VAMP2: variants seen among roughly 807,000 people sequenced by gnomAD.
VAMP2 encodes vesicle associated membrane protein 2.
For missense variants in VAMP2, 95 were observed against 151.3 expected (o/e 0.63, Z 1.95); for synonymous variants, 67 against 57.3 (o/e 1.17, Z -0.76).
rs761425233 is a variant in VAMP2 at position 8,159,183 on chromosome 17, C to A, written c.*1672G>T. ...ATTACACATTTATTGTACATTTTCA[C>A]AATCTGGATGCGCCACAGAATTGGG... On this transcript the variant is annotated 3_prime_UTR_variant, in exon 5 of 5. Coordinates refer to ENST00000316509, the MANE Select transcript of VAMP2 (RefSeq NM_014232.3). 4 of 143,042 alleles carry A rather than the reference C, an allele frequency of 2.8e-5. No homozygotes were observed. The highest frequency in any genetic ancestry group is 1.0e-4 in the African/African-American group (4 of 38,556). 8.9% of individuals were successfully genotyped at this position (143,042 alleles called of 1,614,324 possible).
At position 8,160,551 on chromosome 17, in the gene VAMP2, T is replaced by C. The variant is rs933999989; in HGVS notation, c.*304A>G. ...CATAGCAGATGCAAATGAAGGGACT[T>C]GGGGCTAGTCAGGAAGAAAGGGAAA... On this transcript the variant is annotated 3_prime_UTR_variant, in exon 5 of 5. Transcript: ENST00000316509. 4.2e-5 allele frequency: 8 copies of C among 191,900 alleles called. No homozygotes were observed. Among genetic ancestry groups the C allele is most frequent in the Non-Finnish European group, 6.3e-5 (6 of 95,694 alleles). 11.9% of individuals were successfully genotyped at this position (191,900 alleles called of 1,614,324 possible).
In VAMP2 at chr17:8,161,743, G is replaced by A. The variant is rs376454310; in HGVS notation, c.147C>T (p.Asn49=). 64 of 1,614,000 alleles carry A rather than the reference G, an allele frequency of 4.0e-5. No individual in the cohort carries two copies. The African/African-American group carries it at 7.5e-4, about 19-fold the overall frequency. The part of the protein sequence containing the change: ...VDEVVDIMRV[N]VDKVLERDQK... The stretch of plus-strand genomic sequence containing the variant: ...GGTCTCGCTCCAGGACCTTGTCCAC[G>A]TTCACCCTCATGATGTCCACCACCT... Residue 49 remains asparagine, a synonymous_variant, in exon 3 of 5, where the codon AAC becomes AAT. Coordinates refer to ENST00000316509, the MANE Select transcript of VAMP2 (RefSeq NM_014232.3).
chr17:8,160,380 G>GTTGTTTTTTTTT lies in VAMP2; in HGVS notation c.*474_*475insAAAAAAAAACAA, dbSNP rs1983260313. The GTTGTTTTTTTTT allele has an allele frequency of 6.0e-4, 21 of 35,108 alleles. No individual in the cohort carries two copies. Among genetic ancestry groups the GTTGTTTTTTTTT allele is most frequent in the Non-Finnish European group, 9.5e-4 (19 of 20,096 alleles). The allele number at this position is 35,108 out of a possible 1,614,324, so 2.2% of individuals were successfully genotyped here. ...TAAGGAAGCCTGGACAGGTGCTGTTGTTTTTTTTTTTTTTTTTTTTTTTTT... is the reference window on the plus strand; with the variant it reads ...TAAGGAAGCCTGGACAGGTGCTGTTGTTGTTTTTTTTTTTTTTTTTTTTTTTTTTTTTTTTTT... On this transcript the variant is annotated 3_prime_UTR_variant, in exon 5 of 5. Transcript: ENST00000316509.
At position 8,162,933 on chromosome 17, in the gene VAMP2, C is replaced by T. The variant is rs1476170159; in HGVS notation, c.-54G>A. On this transcript the variant is annotated 5_prime_UTR_variant, in exon 1 of 5. Transcript: ENST00000316509. ...AGCGGCAGTGATGGCGGCGGCGGCTCGCGCTGGCTCCGACTGGCGCTGGCT... is the reference window on the plus strand; with the variant it reads ...AGCGGCAGTGATGGCGGCGGCGGCTTGCGCTGGCTCCGACTGGCGCTGGCT... 1.0e-5 allele frequency: 12 copies of T among 1,203,480 alleles called. No individual in the cohort carries two copies. The highest frequency in any genetic ancestry group is 1.6e-5 in the African/African-American group (1 of 63,228). The allele number at this position is 1,203,480 out of a possible 1,614,324, so 74.6% of individuals were successfully genotyped here. A position where few individuals can be genotyped will look rare whatever the true frequency, so the allele number is the denominator to read the frequency against.
At chr17:8,162,395 C>T in intron 1 of VAMP2, 26 bp from the exon 2 acceptor site, 1 of 1,610,848 alleles carries the variant, frequency 6.2e-7, no homozygotes, top group Non-Finnish European at 8.5e-7. Flanking sequence ...GGATTAAGAC[C>T]CAGGGCCTGC....
At position 8,159,280 on chromosome 17, in the gene VAMP2, A is replaced by G. The variant is rs1983217821; in HGVS notation, c.*1575T>C. The G allele has an allele frequency of 6.6e-6, 1 of 151,854 alleles. No homozygotes were observed. Among genetic ancestry groups the G allele is most frequent in the African/African-American group, 2.4e-5 (1 of 41,268 alleles). The allele number at this position is 151,854 out of a possible 1,614,324, so 9.4% of individuals were successfully genotyped here. On this transcript the variant is annotated 3_prime_UTR_variant, in exon 5 of 5. Transcript: ENST00000316509. Reference sequence around the variant, plus strand: ...GGGGGGTCTAAAACACAGCACCCCCACCTCCAGCATCTCTCCTACCCTTTC... The same window carrying G: ...GGGGGGTCTAAAACACAGCACCCCCGCCTCCAGCATCTCTCCTACCCTTTC...
chr17:8,161,338 G>C (rs1983305399), intron 4 of VAMP2, 135 bp downstream of exon 4: 7 of 1,291,408 alleles, frequency 5.4e-6, no homozygotes, highest in Non-Finnish European at 7.4e-6. Context: ...GGCTCTAGAT[G>C]AATCAGAATT....
rs148829630 is a variant in VAMP2 at position 8,161,644 on chromosome 17, G to C, written c.246C>G (p.Ala82=). The part of the protein sequence containing the change: ...AGASQFETSA[A]KLKRKYWWKN... ...TCCACCAGTATTTGCGCTTGAGCTT[G>C]GCTGCGCTTGTTTCAAACTGGGAGG... Residue 82 remains alanine (A), a synonymous_variant, in exon 3 of 5, where the codon GCC becomes GCG. Coordinates refer to ENST00000316509, the MANE Select transcript of VAMP2 (RefSeq NM_014232.3). The C allele has an allele frequency of 2.4e-5, 38 of 1,614,072 alleles. No homozygotes were observed. Among genetic ancestry groups the C allele is most frequent in the Non-Finnish European group, 3.1e-5 (37 of 1,180,028 alleles).
chr17:8,162,678 C>T, intron 1 of VAMP2, 200 bp downstream of exon 1: 1 of 1,343,622 alleles, frequency 7.4e-7, no homozygotes, highest in Middle Eastern at 2.8e-4. Context: ...ACACTGGGTC[C>T]GCTCCTTCCC....
chr17:8,162,707 G>C, intron 1 of VAMP2, 171 bp downstream of exon 1: 1 of 1,310,822 alleles, frequency 7.6e-7, no homozygotes, highest in Non-Finnish European at 9.7e-7. Flanking sequence ...CGCCCGAGCC[G>C]GCCAGCCCGG....
At chr17:8,161,552 G>C in intron 3 of VAMP2, 28 bp from the exon 4 acceptor site, 3 of 1,614,138 alleles carry the variant, frequency 1.9e-6, no homozygotes, top group South Asian at 2.2e-5. Context: ...GGATCAGTAA[G>C]ACAAACTATG....
Position 8,162,184 on chromosome 17 carries a change from G to A in VAMP2, c.123+65C>T, listed in dbSNP as rs1983334056. On this transcript the variant is annotated intron_variant, in intron 2 of 4. Transcript: ENST00000316509. ...TGTCATCACTCCCAAACCAACATGG[G>A]CCCCTACACCTATACGCCAACCCCC... The A allele has an allele frequency of 4.7e-6, 7 of 1,487,826 alleles. No homozygotes were observed. The South Asian group carries it at 8.5e-5, about 18-fold the overall frequency. The allele number at this position is 1,487,826 out of a possible 1,614,324, so 92.2% of individuals were successfully genotyped here.
chr17:8,160,324 A>G lies in VAMP2; in HGVS notation c.*531T>C, dbSNP rs1207854075. 6.9e-6 allele frequency: 1 copy of G among 145,928 alleles called. No homozygotes were observed. The highest frequency in any genetic ancestry group is 1.5e-5 in the Non-Finnish European group (1 of 67,150). The allele number at this position is 145,928 out of a possible 1,614,324, so 9.0% of individuals were successfully genotyped here. A position where few individuals can be genotyped will look rare whatever the true frequency, so the allele number is the denominator to read the frequency against. ...TAGGACCAAGTGGGGCCAGTCTCAG[A>G]GCCTCCCAATGGATACAAAGAAGAT... is the stretch of plus-strand genomic sequence containing the variant. On this transcript the variant is annotated 3_prime_UTR_variant, in exon 5 of 5. Transcript: ENST00000316509.
chr17:8,161,896 A>G, intron 2 of VAMP2, 130 bp from the exon 3 acceptor site: 2 of 1,383,448 alleles, frequency 1.4e-6, no homozygotes, highest in Non-Finnish European at 2.0e-6. Context: ...CATGCCAAGG[A>G]CACACAGAAC....
Position 8,160,138 on chromosome 17 carries a change from A to G in VAMP2, c.*717T>C, listed in dbSNP as rs1464405836. On this transcript the variant is annotated 3_prime_UTR_variant, in exon 5 of 5. Coordinates refer to ENST00000316509, the MANE Select transcript of VAMP2 (RefSeq NM_014232.3). ...ACCACCTGCGAGTAATGTCGTGCAA[A>G]TGAAAATGTGATACAAGAACTAATG... 3 of 152,430 alleles carry G rather than the reference A, an allele frequency of 2.0e-5. No individual in the cohort carries two copies. The highest frequency in any genetic ancestry group is 4.4e-5 in the Non-Finnish European group (3 of 68,052). 9.4% of individuals were successfully genotyped at this position (152,430 alleles called of 1,614,324 possible). A position where few individuals can be genotyped will look rare whatever the true frequency, so the allele number is the denominator to read the frequency against.
rs1333799493 is a variant in VAMP2 at position 8,161,788 on chromosome 17, C to T, written c.124-22G>A. The T allele has an allele frequency of 1.9e-6, 3 of 1,605,572 alleles. No homozygotes were observed. In the African/African-American group the frequency reaches 4.0e-5, roughly 21 times the overall value. On this transcript the variant is annotated intron_variant, in intron 2 of 4. Coordinates refer to ENST00000316509, the MANE Select transcript of VAMP2 (RefSeq NM_014232.3). ...CCACCTGGGAGAAGGGCCCACGAGG[C>T]AGGGGGGTGTGCCAAGGCCCACCTC...
At position 8,160,763 on chromosome 17, in the gene VAMP2, A is replaced by AGG. The variant is rs144670087; in HGVS notation, c.*91_*92insCC. ...ACACACACACACACGGATCCAGGGG[A>AGG]GTGGGGGCTGAAAGATATGGCTGAG... is the stretch of plus-strand genomic sequence containing the variant. On this transcript the variant is annotated 3_prime_UTR_variant, in exon 5 of 5. Transcript: ENST00000316509. 0.067 allele frequency: 93,077 copies of AGG among 1,380,500 alleles called. 3,859 individuals are homozygous for AGG. Among genetic ancestry groups the AGG allele is most frequent in the Non-Finnish European group, 0.08 (80,324 of 998,238 alleles). 85.5% of individuals were successfully genotyped at this position (1,380,500 alleles called of 1,614,324 possible).
At chr17:8,162,045 C>T (rs573489809) in intron 2 of VAMP2, among the ~76,000 whole-genome samples, 1 of 152,302 alleles carries the variant, frequency 6.6e-6, no homozygotes, top group East Asian at 1.9e-4. Flanking sequence ...CCCAGGCTGG[C>T]ACACCCCAGG....
Position 8,161,218 on chromosome 17 carries a change from C to T in VAMP2, c.334+255G>A. On this transcript the variant is annotated intron_variant, in intron 4 of 4. Coordinates refer to ENST00000316509, the MANE Select transcript of VAMP2 (RefSeq NM_014232.3). ...TCAATTCCAGGGTTCTCAGACTGGG[C>T]TCTTAGGCCTAAAGGGTCCTCAATG... The T allele has an allele frequency of 5.0e-6, 3 of 595,198 alleles. No homozygotes were observed. In the East Asian group the frequency reaches 8.6e-5, roughly 17 times the overall value. 36.9% of individuals were successfully genotyped at this position (595,198 alleles called of 1,614,324 possible).
Sources: allele counts gnomAD v4.1 joint callset (sites outside exome capture counted in the v4.1 genomes callset), GRCh38; gene constraint gnomAD v4.1.1; transcripts MANE v1.5; gene names NCBI Gene and HGNC (gene_info 2026-07-23, HGNC 2026-07-21).